Variants in PDE8B observed in about 807,000 individuals in gnomAD.
PDE8B encodes the protein phosphodiesterase 8B.
PDE8B carries 26 observed loss-of-function variants against 101.3 expected under a neutral mutation model. The ratio of observed to expected loss-of-function variants is 0.26; its 90% CI spans 0.19 to 0.36. The LOEUF (loss-of-function observed/expected upper bound fraction) is 0.36, where lower values mean the gene tolerates loss of function less well. Among genes scored for constraint, PDE8B ranks in the 10% least tolerant of loss-of-function variants. The pLI is 1.00. For synonymous variants in PDE8B, 424 were observed against 429.3 expected (o/e 0.99, Z 0.15); for missense variants, 810 against 1,163.1 (o/e 0.70, Z 4.42).
intron 14 of PDE8B, among the ~76,000 whole-genome samples, chr5:77,411,317 G>GA (rs1794518878): frequency 1.3e-5 from 2 of 152,212 alleles, no homozygotes; most frequent in South Asian, 4.1e-4. Flanking sequence ...CTCTGAGGGT[G>GA]AGGGGGATCC....
At chr5:77,143,859 A>ATTTTTTTTTTTTTTTTTTTTTT in the PDE8B span, 1 of 115,184 alleles carries the variant, frequency 8.7e-6, no homozygotes, top group Non-Finnish European at 1.8e-5. Flanking sequence ...TTCTTGAGGG[A>ATTTTTTTTTTTTTTTTTTTTTT]TTTTTTTTTT....
intron 10 of PDE8B, among the ~76,000 whole-genome samples, chr5:77,365,194 A>G (rs528474780): frequency 1.3e-5 from 2 of 152,292 alleles, no homozygotes; most frequent in South Asian, 2.1e-4. Flanking sequence ...CTGGAGAATT[A>G]TCAAAGAAAA....
chr5:77,096,427 GA>G, the PDE8B span, among the ~76,000 whole-genome samples: 1 of 152,142 alleles, frequency 6.6e-6, no homozygotes, highest in African/African-American at 2.4e-5. Flanking sequence ...AATTTATAAT[GA>G]ACGGGCATTT....
chr5:77,290,946 G>T (rs1419138531), intron 1 of PDE8B: 4 of 1,610,796 alleles, frequency 2.5e-6, no homozygotes, highest in Admixed American at 1.7e-5. Context: ...TTGTGGTGGA[G>T]CAGATACCGG....
intron 1 of PDE8B, among the ~76,000 whole-genome samples, chr5:77,301,701 C>T (rs900262233): frequency 1.3e-5 from 2 of 152,188 alleles, no homozygotes; most frequent in African/African-American, 4.8e-5. Flanking sequence ...CCTTTAAATT[C>T]CTGTGTTCTC....
intron 1 of PDE8B, among the ~76,000 whole-genome samples, chr5:77,213,224 C>T (rs183984645): frequency 3.9e-5 from 6 of 152,344 alleles, no homozygotes; most frequent in Non-Finnish European, 8.8e-5. Flanking sequence ...GAGTTTAACT[C>T]ATTTTGCTTT....
intron 1 of PDE8B, among the ~76,000 whole-genome samples, chr5:77,233,690 G>A (rs1754079825): frequency 6.7e-6 from 1 of 149,940 alleles, no homozygotes. Flanking sequence ...GTGTGTGTGT[G>A]TGTGTGTGTG....
At chr5:77,159,818 T>G in the PDE8B span, among the ~76,000 whole-genome samples, 1 of 152,318 alleles carries the variant, frequency 6.6e-6, no homozygotes, top group East Asian at 1.9e-4. Flanking sequence ...AGGGTTGGTC[T>G]CCTCTGGTCT....
intron 10 of PDE8B, among the ~76,000 whole-genome samples, chr5:77,374,238 A>T (rs1038647145): frequency 2.6e-4 from 40 of 152,026 alleles, no homozygotes; most frequent in African/African-American, 9.4e-4. Context: ...ATCTTTTCCC[A>T]TCCACTTACT....
At chr5:77,344,765 C>A in intron 6 of PDE8B, 88 bp from the exon 7 acceptor site, 7 of 867,044 alleles carry the variant, frequency 8.1e-6, no homozygotes, top group Non-Finnish European at 1.4e-5. Flanking sequence ...ATTTGATGAA[C>A]CTGGTATCTG....
intron 2 of PDE8B, among the ~76,000 whole-genome samples, chr5:77,316,814 A>G (rs1773859265): frequency 6.6e-6 from 1 of 152,230 alleles, no homozygotes. Context: ...CCAGTGCAAG[A>G]CCTGGAACAT....
chr5:77,178,852 G>T, the PDE8B span, among the ~76,000 whole-genome samples: 1 of 152,304 alleles, frequency 6.6e-6, no homozygotes, highest in Admixed American at 6.5e-5. Flanking sequence ...TTGGACCGAG[G>T]GCCCTTGAAC....
At chr5:77,272,457 G>C (rs916690706) in intron 1 of PDE8B, among the ~76,000 whole-genome samples, 1 of 152,262 alleles carries the variant, frequency 6.6e-6, no homozygotes, top group East Asian at 1.9e-4. Context: ...CACAATCAGT[G>C]CCCTTTGTAC....
At chr5:77,157,256 A>C in the PDE8B span, among the ~76,000 whole-genome samples, 1 of 152,116 alleles carries the variant, frequency 6.6e-6, no homozygotes, top group South Asian at 2.1e-4. Context: ...TCCCAGGGTA[A>C]CTCATACTTG....
intron 1 of PDE8B, among the ~76,000 whole-genome samples, chr5:77,244,705 G>A (rs1326548854): frequency 2.0e-5 from 3 of 151,992 alleles, no homozygotes; most frequent in Non-Finnish European, 4.4e-5. Context: ...GATAGATACT[G>A]TTATCTCATT....
chr5:77,404,857 T>C, intron 12 of PDE8B, 60 bp downstream of exon 12: 1 of 1,098,794 alleles, frequency 9.1e-7, no homozygotes. Flanking sequence ...TGGAAGAATA[T>C]GTTAAAAAAT....
intron 1 of PDE8B, among the ~76,000 whole-genome samples, chr5:77,273,809 TTTA>T (rs1482933530): frequency 2.6e-5 from 4 of 151,940 alleles, no homozygotes; most frequent in African/African-American, 9.7e-5. Flanking sequence ...CTGTTTTTTT[TTTA>T]TTTATTTTTT....
intron 10 of PDE8B, among the ~76,000 whole-genome samples, chr5:77,362,221 C>T (rs1434120099): frequency 2.0e-5 from 3 of 152,192 alleles, no homozygotes; most frequent in Non-Finnish European, 4.4e-5. Context: ...TACATACTGA[C>T]TTGCGAAAAC....
chr5:77,321,426 C>CA (rs1775050151), intron 2 of PDE8B, among the ~76,000 whole-genome samples: 1 of 152,172 alleles, frequency 6.6e-6, no homozygotes, highest in Non-Finnish European at 1.5e-5. Context: ...GCTGGGATTA[C>CA]AAGCGTAAGC....
Sources: gnomAD v4.1 joint callset for allele counts (sites outside exome capture counted in the v4.1 genomes callset) on GRCh38, gnomAD v4.1.1 for gene constraint, MANE v1.5 for transcripts, NCBI Gene and HGNC (gene_info 2026-07-23, HGNC 2026-07-21) for gene names.